Variants in SCAMP2 observed in about 807,000 individuals in gnomAD.
SCAMP2 encodes secretory carrier membrane protein 2.
Under a neutral mutation model 44.1 loss-of-function variants are expected in SCAMP2, and 25 were observed. That is an observed-to-expected ratio of 0.57 (90% CI 0.41 to 0.79). The LOEUF is 0.79. SCAMP2 is among the 30% of genes least tolerant of loss of function. SCAMP2 has a pLI of 0.00. For missense variants in SCAMP2, 355 were observed against 411.0 expected, an observed-to-expected ratio of 0.86 and a Z score of 1.18; for synonymous variants, 156 against 166.0, an observed-to-expected ratio of 0.94 and a Z score of 0.46.
At chr15:74,871,945 T>C (rs2064578615) in intron 1 of SCAMP2, among the ~76,000 whole-genome samples, 1 of 148,980 alleles carries the variant, frequency 6.7e-6, no homozygotes, top group Non-Finnish European at 1.5e-5. Flanking sequence ...CTCGGGAGGC[T>C]GAAGCACGAG....
intron 6 of SCAMP2, among the ~76,000 whole-genome samples, chr15:74,849,447 CAAAA>C (rs1170431181): frequency 6.6e-6 from 1 of 151,228 alleles, no homozygotes; most frequent in Non-Finnish European, 1.5e-5. Context: ...GATTCTGTCT[CAAAA>C]AAACAAAACA....
At position 74,868,578 on chromosome 15, in the gene SCAMP2, C is replaced by G. The variant is rs556439481; in HGVS notation, c.57+4621G>C. Among the ~76,000 whole-genome samples, 3 of 152,308 alleles carry G rather than the reference C, an allele frequency of 2.0e-5. No homozygotes were observed. The South Asian group carries it at 6.2e-4, about 32-fold the overall frequency. ...TTGTTTTTTGAGATAGAGTTTCACTCTATTACCCAGGCTGGAGTGCAAAGG... is the reference window on the plus strand; with the variant it reads ...TTGTTTTTTGAGATAGAGTTTCACTGTATTACCCAGGCTGGAGTGCAAAGG... On this transcript the variant is annotated intron_variant, in intron 1 of 8. Coordinates refer to ENST00000268099, the MANE Select transcript of SCAMP2 (RefSeq NM_005697.5).
chr15:74,863,308 T>C (rs532030967), intron 1 of SCAMP2, among the ~76,000 whole-genome samples: 5 of 150,724 alleles, frequency 3.3e-5, no homozygotes, highest in South Asian at 4.3e-4. Flanking sequence ...GATCACTCCA[T>C]TGCACTCCAG....
chr15:74,855,727 A>G (rs941775849), intron 1 of SCAMP2, among the ~76,000 whole-genome samples: 3 of 151,816 alleles, frequency 2.0e-5, no homozygotes, highest in Non-Finnish European at 4.4e-5. Flanking sequence ...AAAAAAAAAA[A>G]AAAAAAAAAA....
At chr15:74,848,312 C>T in intron 7 of SCAMP2, 1 of 262,258 alleles carries the variant, frequency 3.8e-6, no homozygotes. Context: ...GAGCAATCTG[C>T]CTGCCTCGGC....
intron 7 of SCAMP2, among the ~76,000 whole-genome samples, chr15:74,846,815 G>C (rs1413677645): frequency 1.3e-5 from 2 of 152,114 alleles, no homozygotes; most frequent in Non-Finnish European, 2.9e-5. Context: ...CTGCTGCTTT[G>C]GGGGTGGGGA....
intron 1 of SCAMP2, among the ~76,000 whole-genome samples, chr15:74,855,934 T>C (rs934325794): frequency 5.3e-5 from 8 of 152,102 alleles, no homozygotes; most frequent in African/African-American, 1.9e-4. Flanking sequence ...TGTCTCCCTT[T>C]CCCATCTGAT....
At chr15:74,849,890 T>A (rs1417484581) in intron 6 of SCAMP2, among the ~76,000 whole-genome samples, 1 of 152,208 alleles carries the variant, frequency 6.6e-6, no homozygotes, top group African/African-American at 2.4e-5. Context: ...GACTTCCATC[T>A]CTGTGTCCTT....
chr15:74,846,446 CAAA>C (rs35643920), intron 7 of SCAMP2, among the ~76,000 whole-genome samples: 110 of 109,414 alleles, frequency 1.0e-3, no homozygotes, highest in Non-Finnish European at 1.2e-3. Context: ...ACCCTGTCTC[CAAA>C]AAAAAAAAAA....
intron 1 of SCAMP2, among the ~76,000 whole-genome samples, chr15:74,867,671 C>T (rs552450152): frequency 5.5e-4 from 84 of 152,192 alleles, no homozygotes; most frequent in Non-Finnish European, 1.1e-3. Context: ...TTGTTCACAC[C>T]CAAATCACGT....
chr15:74,853,582 A>G (rs1349123194), intron 3 of SCAMP2: 1 of 405,380 alleles, frequency 2.5e-6, no homozygotes, highest in Non-Finnish European at 5.0e-6. Flanking sequence ...GCAGTGGAGC[A>G]CCAGGCACAA....
intron 1 of SCAMP2, among the ~76,000 whole-genome samples, chr15:74,859,616 C>CTTTTT (rs386383489): frequency 7.5e-6 from 1 of 132,570 alleles, no homozygotes; most frequent in Non-Finnish European, 1.6e-5. Flanking sequence ...GAAAACCACA[C>CTTTTT]TTTTTTTTTT....
chr15:74,862,551 G>A (rs1040078036), intron 1 of SCAMP2, among the ~76,000 whole-genome samples: 1 of 152,052 alleles, frequency 6.6e-6, no homozygotes, highest in Admixed American at 6.6e-5. Flanking sequence ...ACTCCAGTCT[G>A]GGGGACAGAG....
At chr15:74,848,462 C>T (rs1283857106) in intron 7 of SCAMP2, 138 bp downstream of exon 7, 3 of 586,714 alleles carry the variant, frequency 5.1e-6, no homozygotes, top group South Asian at 4.6e-5. Context: ...AAAGCAGATC[C>T]GAGCTGGCCC....
chr15:74,856,353 C>T (rs2064469169), intron 1 of SCAMP2, among the ~76,000 whole-genome samples: 1 of 146,280 alleles, frequency 6.8e-6, no homozygotes, highest in South Asian at 2.2e-4. Context: ...CCACTCACTG[C>T]AGCCTCCGCC....
chr15:74,854,537 C>G, intron 2 of SCAMP2, 44 bp downstream of exon 2: 2 of 1,519,882 alleles, frequency 1.3e-6, no homozygotes, highest in Non-Finnish European at 9.0e-7. Context: ...CCCAGCACCA[C>G]CCTAGAGGGC....
At chr15:74,862,870 A>T (rs2064517557) in intron 1 of SCAMP2, among the ~76,000 whole-genome samples, 1 of 147,222 alleles carries the variant, frequency 6.8e-6, no homozygotes, top group African/African-American at 2.6e-5. Flanking sequence ...ACACACACAC[A>T]CACACACACA....
chr15:74,859,538 G>A (rs1261723337), intron 1 of SCAMP2, among the ~76,000 whole-genome samples: 1 of 152,106 alleles, frequency 6.6e-6, no homozygotes, highest in African/African-American at 2.4e-5. Flanking sequence ...CCACATAGCT[G>A]GGGGGTAAAG....
chr15:74,872,935 C>A (rs1348052263), intron 1 of SCAMP2: 2 of 435,706 alleles, frequency 4.6e-6, no homozygotes, highest in African/African-American at 4.1e-5. Flanking sequence ...TGCTCCAGTC[C>A]CCTTCCCTAG....
Sources: allele counts gnomAD v4.1 joint callset (sites outside exome capture counted in the v4.1 genomes callset), GRCh38; gene constraint gnomAD v4.1.1; transcripts MANE v1.5; gene names NCBI Gene and HGNC (gene_info 2026-07-23, HGNC 2026-07-21).